Variants in GADL1 observed in about 807,000 individuals in gnomAD.
The protein encoded by GADL1 is GAD like acidic amino acid decarboxylase 1, also known as acidic amino acid decarboxylase GADL1.
Under a neutral mutation model 69.5 loss-of-function variants are expected in GADL1, and 71 were observed. The ratio of observed to expected loss-of-function variants is 1.02; its 90% CI spans 0.84 to 1.25. The LOEUF is 1.25. Ranked by LOEUF, GADL1 falls within the 50% of genes most tolerant of loss-of-function variation. The probability of loss-of-function intolerance (pLI) is 0.00; values close to 1 mark genes in which losing one functional copy is unlikely to be tolerated. For synonymous variants in GADL1, 254 were observed against 214.4 expected, an observed-to-expected ratio of 1.18 and a Z score of -1.62; for missense variants, 737 against 631.8, an observed-to-expected ratio of 1.17 and a Z score of -1.79.
Position 30,800,639 on chromosome 3 carries a change from C to T in GADL1, c.1250+250G>A, listed in dbSNP as rs139445289. On this transcript the variant is annotated intron_variant, in intron 12 of 14. Transcript: ENST00000282538. ...AGGGTCATTTGTGCATCTCAGTAGG[C>T]TAGGATCTTGGAGGGAGGTGATAGG... 484 of 502,314 alleles carry T rather than the reference C, an allele frequency of 9.6e-4. 3 individuals are homozygous for T. Among genetic ancestry groups the T allele is most frequent in the Middle Eastern group, 9.5e-3 (17 of 1,784 alleles). The allele number at this position is 502,314 out of a possible 1,614,324, so 31.1% of individuals were successfully genotyped here. A position where few individuals can be genotyped will look rare whatever the true frequency, so the allele number is the denominator to read the frequency against.
chr3:30,842,366 G>T (rs911878433), intron 8 of GADL1, among the ~76,000 whole-genome samples: 1 of 152,016 alleles, frequency 6.6e-6, no homozygotes, highest in East Asian at 1.9e-4. Context: ...ATCTAGTGGT[G>T]GTATGAGGGT....
chr3:30,858,252 G>T (rs948615556), intron 2 of GADL1, among the ~76,000 whole-genome samples: 4 of 151,992 alleles, frequency 2.6e-5, no homozygotes, highest in Non-Finnish European at 5.9e-5. Context: ...GATAAGCAAG[G>T]CTCAGATCAT....
chr3:30,755,759 C>CA (rs1382173395), intron 14 of GADL1, among the ~76,000 whole-genome samples: 20 of 152,028 alleles, frequency 1.3e-4, no homozygotes, highest in African/African-American at 4.8e-4. Flanking sequence ...ATGAATGAAA[C>CA]AAAAGGCAAA....
chr3:30,757,189 TAA>T (rs1559489507), intron 14 of GADL1, among the ~76,000 whole-genome samples: 3 of 152,018 alleles, frequency 2.0e-5, no homozygotes, highest in African/African-American at 4.8e-5. Flanking sequence ...ATTGAAAAAA[TAA>T]GAAATGGCCT....
chr3:30,762,617 C>T (rs1696165388), intron 14 of GADL1, among the ~76,000 whole-genome samples: 2 of 152,094 alleles, frequency 1.3e-5, no homozygotes, highest in Admixed American at 6.5e-5. Flanking sequence ...TATTGAGTTG[C>T]AAATGTCCCA....
At chr3:30,843,972 C>A (rs1339719571) in intron 8 of GADL1, among the ~76,000 whole-genome samples, 1 of 152,186 alleles carries the variant, frequency 6.6e-6, no homozygotes, top group Non-Finnish European at 1.5e-5. Context: ...CTCCAGCCAC[C>A]TGGGAACAAG....
intron 11 of GADL1, among the ~76,000 whole-genome samples, chr3:30,828,214 C>A (rs1380328748): frequency 1.3e-5 from 2 of 151,816 alleles, no homozygotes; most frequent in Non-Finnish European, 2.9e-5. Flanking sequence ...TCTTTACTTG[C>A]ACACTTTTTA....
intron 3 of GADL1, among the ~76,000 whole-genome samples, 197 bp downstream of exon 3, chr3:30,856,818 T>C (rs1698236508): frequency 6.6e-6 from 1 of 152,028 alleles, no homozygotes; most frequent in Admixed American, 6.6e-5. Flanking sequence ...CCTACAGTTT[T>C]CCTGTCAACT....
In GADL1 at chr3:30,786,408, T is replaced by C; in HGVS notation, c.1251-2A>G. 2 of 1,398,296 alleles carry C rather than the reference T, an allele frequency of 1.4e-6. No individual in the cohort carries two copies. Among genetic ancestry groups the C allele is most frequent in the Non-Finnish European group, 2.0e-6 (2 of 986,750 alleles). The allele number at this position is 1,398,296 out of a possible 1,614,324, so 86.6% of individuals were successfully genotyped here. A position where few individuals can be genotyped will look rare whatever the true frequency, so the allele number is the denominator to read the frequency against. ...TTCTTGATTTCATCTACTAGGTACCTAAAATTAAAAGTCACAATAATATTT... is the reference window on the plus strand; with the variant it reads ...TTCTTGATTTCATCTACTAGGTACCCAAAATTAAAAGTCACAATAATATTT... On this transcript the variant is annotated splice_acceptor_variant, in intron 12 of 14. Transcript: ENST00000282538. LOFTEE classifies it high-confidence loss of function.
intron 11 of GADL1, among the ~76,000 whole-genome samples, chr3:30,821,338 AG>A (rs1697576387): frequency 7.3e-6 from 1 of 136,138 alleles, no homozygotes; most frequent in African/African-American, 3.3e-5. Flanking sequence ...ATAATAATAA[AG>A]AAAAAAAGAA....
At position 30,765,997 on chromosome 3, in the gene GADL1, G is replaced by A. The variant is rs147208626; in HGVS notation, c.1392+12182C>T. Among the ~76,000 whole-genome samples, 161 of 152,254 alleles carry A rather than the reference G, an allele frequency of 1.1e-3. 1 individual carries two copies. Among genetic ancestry groups the A allele is most frequent in the African/African-American group, 3.8e-3 (157 of 41,558 alleles). On this transcript the variant is annotated intron_variant, in intron 14 of 14. Coordinates refer to ENST00000282538, the MANE Select transcript of GADL1 (RefSeq NM_207359.3). Reference sequence around the variant, plus strand: ...TATGAAAAGGGGTACTCATGCTCAGGTGCCAGGAAATAAGTCTTGGGAAAG... The same window carrying A: ...TATGAAAAGGGGTACTCATGCTCAGATGCCAGGAAATAAGTCTTGGGAAAG...
chr3:30,762,580 A>AG (rs1318281418), intron 14 of GADL1, among the ~76,000 whole-genome samples: 1 of 152,180 alleles, frequency 6.6e-6, no homozygotes, highest in African/African-American at 2.4e-5. Flanking sequence ...ATGAAAAATG[A>AG]GGTATACATT....
rs543384277 is a variant in GADL1 at position 30,882,543 on chromosome 3, T to C, written c.37+12035A>G. Among the ~76,000 whole-genome samples the C allele has an allele frequency of 2.0e-5, 3 of 152,112 alleles. No individual in the cohort carries two copies. In the South Asian group the frequency reaches 6.2e-4, roughly 32 times the overall value. ...ATAATATTCCATTGTATGTATACACTACATTTTGTTTATCCATTCATCCAA... is the reference window on the plus strand; with the variant it reads ...ATAATATTCCATTGTATGTATACACCACATTTTGTTTATCCATTCATCCAA... On this transcript the variant is annotated intron_variant, in intron 1 of 14. Coordinates refer to ENST00000282538, the MANE Select transcript of GADL1 (RefSeq NM_207359.3).
intron 14 of GADL1, among the ~76,000 whole-genome samples, chr3:30,752,983 A>G (rs966277353): frequency 2.0e-5 from 3 of 152,186 alleles, no homozygotes; most frequent in African/African-American, 7.2e-5. Context: ...CATTGTCAGC[A>G]GTATTTAAAT....
At chr3:30,835,897 T>A (rs1697864801) in intron 9 of GADL1, among the ~76,000 whole-genome samples, 1 of 152,076 alleles carries the variant, frequency 6.6e-6, no homozygotes, top group Admixed American at 6.6e-5. Flanking sequence ...ATGGACCACG[T>A]GTGACTCAGG....
chr3:30,768,385 G>A (rs1352543480), intron 14 of GADL1, among the ~76,000 whole-genome samples: 1 of 152,130 alleles, frequency 6.6e-6, no homozygotes, highest in Non-Finnish European at 1.5e-5. Flanking sequence ...TTTATTTTCA[G>A]GAGTTTGGTC....
chr3:30,833,878 C>G lies in GADL1; in HGVS notation c.1025G>C (p.Cys342Ser). The change falls in exon 11 of 15, where the codon TGT becomes TCT. Residue 342 changes from cysteine to serine, a missense_variant. Cys to Ser is a moderately radical substitution (Grantham distance 112). Transcript: ENST00000282538. ...AGATTTGTCTTTCACAAGGAGAGCA[C>G]AGCACTGGATCCCAGCCATCAGCAT... ...HKMLMAGIQC[C>S]ALLVKDKSDL... The G allele has an allele frequency of 6.2e-7, 1 of 1,612,674 alleles. No homozygotes were observed. The highest frequency in any genetic ancestry group is 8.5e-7 in the Non-Finnish European group (1 of 1,179,108).
intron 11 of GADL1, among the ~76,000 whole-genome samples, chr3:30,833,150 TGAG>T: frequency 6.6e-6 from 1 of 152,182 alleles, no homozygotes; most frequent in South Asian, 2.1e-4. Flanking sequence ...ACACAGATCT[TGAG>T]GAGGCATTTC....
chr3:30,751,671 C>G (rs560126023), intron 14 of GADL1, among the ~76,000 whole-genome samples: 175 of 152,126 alleles, frequency 1.2e-3, no homozygotes, highest in African/African-American at 4.1e-3. Flanking sequence ...ATAAGCCCAC[C>G]CCTTCATCTA....
Sources: gnomAD v4.1 joint callset for allele counts (sites outside exome capture counted in the v4.1 genomes callset) on GRCh38, gnomAD v4.1.1 for gene constraint, MANE v1.5 for transcripts, NCBI Gene and HGNC (gene_info 2026-07-23, HGNC 2026-07-21) for gene names.